RALYL: variants seen among roughly 807,000 people sequenced by gnomAD.
The protein encoded by RALYL is RNA-binding Raly-like protein.
RALYL carries 29 observed loss-of-function variants against 35.1 expected under a neutral mutation model. The observed-to-expected ratio is 0.83, with a 90% CI of 0.61 to 1.13. The LOEUF (loss-of-function observed/expected upper bound fraction) is 1.13. Ranked by LOEUF, RALYL falls within the 50% of genes most tolerant of loss-of-function variation. The probability of loss-of-function intolerance (pLI) is 0.00; values close to 1 mark genes in which losing one functional copy is unlikely to be tolerated. For missense variants in RALYL, 359 were observed against 360.4 expected, an observed-to-expected ratio of 1.00 and a Z score of 0.03; for synonymous variants, 120 against 127.6, an observed-to-expected ratio of 0.94 and a Z score of 0.40.
At chr8:84,611,527 T>C (rs1032458317) in intron 2 of RALYL, among the ~76,000 whole-genome samples, 3 of 152,118 alleles carry the variant, frequency 2.0e-5, no homozygotes, top group Non-Finnish European at 4.4e-5. Context: ...TGTTCATACA[T>C]GTATATGAAT....
intron 2 of RALYL, among the ~76,000 whole-genome samples, chr8:84,534,884 C>A (rs1365635163): frequency 6.6e-6 from 1 of 152,060 alleles, no homozygotes; most frequent in African/African-American, 2.4e-5. Context: ...GTTTCGTAGG[C>A]CTGATTTCAG....
At chr8:84,447,146 G>A (rs542732769) in intron 1 of RALYL, among the ~76,000 whole-genome samples, 1 of 152,018 alleles carries the variant, frequency 6.6e-6, no homozygotes, top group South Asian at 2.1e-4. Flanking sequence ...TGAGTTTGTG[G>A]CCCTAATTAA....
rs150366701 is a variant in RALYL, at chr8:84,307,857, T to C, written c.-24+123433T>C. ...AATCAGGAACTTTCTAGACTATAGT[T>C]TGTTTCTCACAAAAAAAGGGCTCAG... On this transcript the variant is annotated intron_variant, in intron 1 of 8. Transcript: ENST00000521268. Among the ~76,000 whole-genome samples, 720 of 152,156 alleles carry C rather than the reference T, an allele frequency of 4.7e-3. 6 individuals carry two copies. The highest frequency in any genetic ancestry group is 0.039 in the South Asian group (189 of 4,816).
intron 2 of RALYL, among the ~76,000 whole-genome samples, chr8:84,533,956 C>A (rs2059434171): frequency 2.0e-5 from 3 of 152,248 alleles, no homozygotes; most frequent in Admixed American, 2.0e-4. Flanking sequence ...AATGTCTTTT[C>A]ATCCCCAACT....
At chr8:84,496,307 T>C (rs1270722254) in intron 1 of RALYL, among the ~76,000 whole-genome samples, 1 of 152,136 alleles carries the variant, frequency 6.6e-6, no homozygotes, top group Non-Finnish European at 1.5e-5. Context: ...AACAAATAAA[T>C]ATGAAATATC....
intron 2 of RALYL, among the ~76,000 whole-genome samples, chr8:84,715,589 A>C (rs925636434): frequency 1.3e-5 from 2 of 152,054 alleles, no homozygotes; most frequent in Non-Finnish European, 2.9e-5. Flanking sequence ...AATATCTGCA[A>C]ATGAATGTAT....
intron 2 of RALYL, among the ~76,000 whole-genome samples, chr8:84,588,017 C>T (rs1207178891): frequency 6.6e-6 from 1 of 152,110 alleles, no homozygotes; most frequent in Non-Finnish European, 1.5e-5. Flanking sequence ...ACACACCCCA[C>T]ACATAGGAGG....
chr8:84,893,463 T>C (rs552921136), intron 8 of RALYL, among the ~76,000 whole-genome samples: 15 of 152,336 alleles, frequency 9.8e-5, no homozygotes, highest in South Asian at 8.3e-4. Context: ...TTTGCCATAA[T>C]GGAAATACTA....
intron 1 of RALYL, among the ~76,000 whole-genome samples, chr8:84,463,221 A>C (rs756734138): frequency 1.2e-4 from 18 of 151,976 alleles, no homozygotes; most frequent in Non-Finnish European, 1.8e-4. Flanking sequence ...GACACTGTTT[A>C]CTCAGTTACA....
At chr8:84,271,496 A>C (rs1189712650) in intron 1 of RALYL, among the ~76,000 whole-genome samples, 1 of 150,154 alleles carries the variant, frequency 6.7e-6, no homozygotes, top group Non-Finnish European at 1.5e-5. Context: ...GTGTGTTTTA[A>C]CATTCTATCC....
chr8:84,843,204 A>G (rs1164221428), intron 4 of RALYL, among the ~76,000 whole-genome samples: 3 of 152,328 alleles, frequency 2.0e-5, no homozygotes, highest in South Asian at 2.1e-4. Flanking sequence ...ACATGATTGT[A>G]TATCTAGAAA....
At chr8:84,457,462 G>A (rs762536250) in intron 1 of RALYL, among the ~76,000 whole-genome samples, 1 of 151,816 alleles carries the variant, frequency 6.6e-6, no homozygotes, top group Non-Finnish European at 1.5e-5. Context: ...GTCTTTAGCA[G>A]TTCTAATGAT....
chr8:84,292,999 C>T (rs1230958305), intron 1 of RALYL, among the ~76,000 whole-genome samples: 2 of 152,108 alleles, frequency 1.3e-5, no homozygotes, highest in African/African-American at 4.8e-5. Flanking sequence ...CATGCTTCCA[C>T]CTTCTGAATA....
At chr8:84,670,329 T>G (rs1254645509) in intron 2 of RALYL, among the ~76,000 whole-genome samples, 1 of 152,210 alleles carries the variant, frequency 6.6e-6, no homozygotes, top group Non-Finnish European at 1.5e-5. Context: ...TCAACTCATA[T>G]TGAACACAAT....
intron 1 of RALYL, among the ~76,000 whole-genome samples, chr8:84,486,553 G>A (rs1157442203): frequency 6.6e-6 from 1 of 151,660 alleles, no homozygotes; most frequent in African/African-American, 2.4e-5. Flanking sequence ...CTCATATTTG[G>A]TCAGAGGATA....
chr8:84,684,406 A>G (rs1168166443), intron 2 of RALYL, among the ~76,000 whole-genome samples: 1 of 152,178 alleles, frequency 6.6e-6, no homozygotes, highest in Non-Finnish European at 1.5e-5. Flanking sequence ...GCCCAAGGCA[A>G]TGATAAGGAG....
At chr8:84,255,138 A>G (rs115795433) in intron 1 of RALYL, among the ~76,000 whole-genome samples, 107 of 152,250 alleles carry the variant, frequency 7.0e-4, no homozygotes, top group African/African-American at 2.5e-3. Context: ...GAAAGTCTTA[A>G]TTATTTAAAA....
intron 1 of RALYL, among the ~76,000 whole-genome samples, chr8:84,458,852 C>A (rs2050427630): frequency 6.6e-6 from 1 of 151,610 alleles, no homozygotes; most frequent in African/African-American, 2.4e-5. Flanking sequence ...ATTTCTAAAG[C>A]CATCTTATAT....
chr8:84,366,058 A>T (rs1233697668), intron 1 of RALYL, among the ~76,000 whole-genome samples: 1 of 152,176 alleles, frequency 6.6e-6, no homozygotes, highest in Non-Finnish European at 1.5e-5. Flanking sequence ...AGATGATATC[A>T]TCCAGTTGTT....
Sources: gnomAD v4.1 joint callset for allele counts (sites outside exome capture counted in the v4.1 genomes callset) on GRCh38, gnomAD v4.1.1 for gene constraint, MANE v1.5 for transcripts, NCBI Gene and HGNC (gene_info 2026-07-23, HGNC 2026-07-21) for gene names.